The following TSNAXIP1 variants were observed in gnomAD, a reference collection of about 807,000 sequenced individuals.
The protein encoded by TSNAXIP1 is translin associated factor X interacting protein 1, also known as translin-associated factor X-interacting protein 1.
Under a neutral mutation model 84.8 loss-of-function variants are expected in TSNAXIP1, and 89 were observed. The observed-to-expected ratio is 1.05, with a 90% CI of 0.88 to 1.25. TSNAXIP1 has a LOEUF of 1.25. Among genes scored for constraint, TSNAXIP1 ranks in the 50% most tolerant of loss-of-function variants. The probability of loss-of-function intolerance (pLI) is 0.00; values close to 1 mark genes in which losing one functional copy is unlikely to be tolerated. For synonymous variants in TSNAXIP1, 347 were observed against 335.2 expected, an observed-to-expected ratio of 1.04 and a Z score of -0.39; for missense variants, 874 against 887.6, an observed-to-expected ratio of 0.98 and a Z score of 0.20.
chr16:67,826,497 C>A lies in TSNAXIP1; in HGVS notation c.1336C>A (p.Pro446Thr), dbSNP rs752145096. ...RFDGLVENKK[P>T]SKKDVVNLLK... ...TGATGGCCTCGTGGAGAACAAGAAG[C>A]CAAGCAAGAAGGACGTGGTCAACCT... is the stretch of plus-strand genomic sequence containing the variant. Residue 446 changes from proline (P) to threonine (T), a missense_variant, in exon 11 of 16, where the codon CCA becomes ACA. Coordinates refer to ENST00000561639, the MANE Select transcript of TSNAXIP1 (RefSeq NM_001288990.3). 7.4e-6 allele frequency: 12 copies of A among 1,613,982 alleles called. No homozygotes were observed. In the African/African-American group the frequency reaches 1.5e-4, roughly 20 times the overall value.
intron 2 of TSNAXIP1, among the ~76,000 whole-genome samples, chr16:67,819,735 C>T (rs2056880964): frequency 6.6e-6 from 1 of 151,106 alleles, no homozygotes; most frequent in Non-Finnish European, 1.5e-5. Flanking sequence ...GCAACCTCCG[C>T]TTCCCGGGTT....
Position 67,825,752 on chromosome 16 carries a change from C to T in TSNAXIP1, c.900C>T (p.Asn300=). ...QDLTRTQMEL[N]NMKANFGDVV... Reference sequence around the variant, plus strand: ...TGACCCGCACGCAGATGGAACTCAACAACATGAAGGCCAACTTTGGAGATG... The same window carrying T: ...TGACCCGCACGCAGATGGAACTCAATAACATGAAGGCCAACTTTGGAGATG... The change falls in exon 8 of 16, where the codon AAC becomes AAT. Residue 300 remains asparagine, a synonymous_variant. Coordinates refer to ENST00000561639, the MANE Select transcript of TSNAXIP1 (RefSeq NM_001288990.3). 1 of 1,614,144 alleles carries T rather than the reference C, an allele frequency of 6.2e-7. No homozygotes were observed. The highest frequency in any genetic ancestry group is 8.5e-7 in the Non-Finnish European group (1 of 1,180,032).
intron 3 of TSNAXIP1, 26 bp downstream of exon 3, chr16:67,820,977 G>C: frequency 1.3e-6 from 2 of 1,588,794 alleles, no homozygotes; most frequent in South Asian, 1.2e-5. Flanking sequence ...TCCCATGGTG[G>C]GTGAGCTGGC....
At position 67,827,019 on chromosome 16, in the gene TSNAXIP1, G is replaced by C; in HGVS notation, c.1611G>C (p.Glu537Asp). ...QKETVAQLLKEMTNADSQNEG... is the reference protein window; with the variant it reads ...QKETVAQLLKDMTNADSQNEG... ...AGACAGTAGCCCAGCTGCTGAAGGA[G>C]ATGACAAATGCTGACAGTCAGAACG... The change falls in exon 13 of 16, where the codon GAG becomes GAC. Residue 537 changes from glutamate to aspartate, a missense_variant. Glu to Asp is a conservative substitution (Grantham distance 45). Coordinates refer to ENST00000561639, the MANE Select transcript of TSNAXIP1 (RefSeq NM_001288990.3). 1.2e-6 allele frequency: 2 copies of C among 1,614,180 alleles called. No homozygotes were observed. The highest frequency in any genetic ancestry group is 4.5e-5 in the East Asian group (2 of 44,886).
At chr16:67,809,599 C>T (rs1597973954) in intron 1 of TSNAXIP1, among the ~76,000 whole-genome samples, 1 of 149,930 alleles carries the variant, frequency 6.7e-6, no homozygotes, top group East Asian at 2.0e-4. Flanking sequence ...TTCCAGCTGC[C>T]TGGGAGACAC....
chr16:67,822,752 T>TGGG, intron 4 of TSNAXIP1, among the ~76,000 whole-genome samples: 1 of 152,208 alleles, frequency 6.6e-6, no homozygotes, highest in Admixed American at 6.5e-5. Flanking sequence ...GCTGGGGCCT[T>TGGG]ACATCGATCT....
At chr16:67,827,117 C>G (rs1214227397) in intron 13 of TSNAXIP1, 45 bp downstream of exon 13, 1 of 1,608,258 alleles carries the variant, frequency 6.2e-7, no homozygotes, top group Non-Finnish European at 8.5e-7. Flanking sequence ...CCCAACTATT[C>G]CTGCATCTGT....
At chr16:67,825,857 C>A in intron 8 of TSNAXIP1, 21 bp downstream of exon 8, 1 of 1,614,060 alleles carries the variant, frequency 6.2e-7, no homozygotes, top group African/African-American at 1.3e-5. Context: ...GCAGGCAGGG[C>A]CAGGAGGGTA....
Position 67,824,654 on chromosome 16 carries a change from A to G in TSNAXIP1, c.553A>G (p.Asn185Asp), listed in dbSNP as rs781349309. The G allele has an allele frequency of 1.9e-6, 3 of 1,614,198 alleles. No homozygotes were observed. The Admixed American group carries it at 5.0e-5, about 27-fold the overall frequency. ...GCTTGTCACTGTGAATGAGGACTGC[A>G]ATGAGAGGATCCTGGCCATGAGAGC... ...AKLVTVNEDCNERILAMRAEE... is the reference protein window; with the variant it reads ...AKLVTVNEDCDERILAMRAEE... The change falls in exon 6 of 16, where the codon AAT (asparagine) becomes GAT (aspartate). Residue 185 changes from asparagine to aspartate, a missense_variant. Asn to Asp is a conservative substitution (Grantham distance 23). Transcript: ENST00000561639.
chr16:67,809,337 T>A (rs1421667196), intron 1 of TSNAXIP1, among the ~76,000 whole-genome samples: 1 of 149,022 alleles, frequency 6.7e-6, no homozygotes, highest in African/African-American at 2.5e-5. Flanking sequence ...GTGTGGTGGC[T>A]TGCACCTGTA....
rs761678486 is a variant in TSNAXIP1 at position 67,825,948 on chromosome 16, T to C, written c.1016T>C (p.Val339Ala). The C allele has an allele frequency of 6.2e-6, 10 of 1,613,776 alleles. No homozygotes were observed. In the South Asian group the frequency reaches 1.1e-4, roughly 18 times the overall value. ...LDTLRASYEE[V>A]RKEHEILMQL... ...ACCCTGAGAGCCAGCTACGAGGAGG[T>C]TCGCAAGGAGCATGAGATCCTCATG... The change falls in exon 9 of 16, where the codon GTT (valine) becomes GCT (alanine). Residue 339 changes from valine (V) to alanine (A), a missense_variant. Transcript: ENST00000561639.
At chr16:67,807,270 G>C (rs1179586611) in intron 1 of TSNAXIP1, 74 bp downstream of exon 1, 1 of 1,535,432 alleles carries the variant, frequency 6.5e-7, no homozygotes, top group African/African-American at 1.4e-5. Flanking sequence ...ACTTGATCCG[G>C]ACCTCTGCAC....
intron 5 of TSNAXIP1, 94 bp from the exon 6 acceptor site, chr16:67,824,469 CAGAGATTCTTGGGGTTTGCA>C: frequency 1.0e-6 from 1 of 979,356 alleles, no homozygotes. Flanking sequence ...ACAAGGCATG[CAGAGATTCTTGGGGTTTGCA>C]AGCGACATAG....
chr16:67,825,939 A>G lies in TSNAXIP1; in HGVS notation c.1007A>G (p.Tyr336Cys), dbSNP rs113603467. The change falls in exon 9 of 16, where the codon TAC becomes TGC. Residue 336 changes from tyrosine to cysteine, a missense_variant. Physicochemically the swap from Tyr to Cys is radical, Grantham distance 194 (BLOSUM62 -2). Coordinates refer to ENST00000561639, the MANE Select transcript of TSNAXIP1 (RefSeq NM_001288990.3). ...CAGCTGGACACCCTGAGAGCCAGCTACGAGGAGGTTCGCAAGGAGCATGAG... is the reference window on the plus strand; with the variant it reads ...CAGCTGGACACCCTGAGAGCCAGCTGCGAGGAGGTTCGCAAGGAGCATGAG... The part of the protein sequence containing the change: ...QEQLDTLRAS[Y>C]EEVRKEHEIL... 36 of 1,614,100 alleles carry G rather than the reference A, an allele frequency of 2.2e-5. No homozygotes were observed. In the African/African-American group the frequency reaches 2.7e-4, roughly 12 times the overall value.
chr16:67,809,184 A>T (rs144606044), intron 1 of TSNAXIP1, among the ~76,000 whole-genome samples: 1 of 210 alleles, frequency 4.8e-3, no homozygotes, highest in Non-Finnish European at 0.013. Flanking sequence ...AAAAAAAAAA[A>T]AATGGCCGGG....
chr16:67,827,562 G>C lies in TSNAXIP1; in HGVS notation c.1881G>C (p.Gln627His). The part of the protein sequence containing the change: ...EKDEYLQQLK[Q>H]ELGIELHEEV... ...ACGAGTACTTACAGCAGCTAAAGCA[G>C]GAGCTTGGCATAGAACTGTGAGTGA... The change falls in exon 15 of 16, where the codon CAG (glutamine) becomes CAC (histidine). Residue 627 changes from glutamine (Q) to histidine (H), a missense_variant. Gln to His is a conservative substitution (Grantham distance 24, BLOSUM62 0). Coordinates refer to ENST00000561639, the MANE Select transcript of TSNAXIP1 (RefSeq NM_001288990.3). 5.0e-6 allele frequency: 8 copies of C among 1,614,216 alleles called. No individual in the cohort carries two copies. The highest frequency in any genetic ancestry group is 6.8e-6 in the Non-Finnish European group (8 of 1,180,034).
chr16:67,820,787 T>C, intron 2 of TSNAXIP1, 52 bp from the exon 3 acceptor site: 1 of 1,329,236 alleles, frequency 7.5e-7, no homozygotes, highest in East Asian at 2.4e-5. Context: ...GAGAGAAACA[T>C]TAGGAAGGGG....
chr16:67,817,772 T>TCCCAG (rs145580476), intron 2 of TSNAXIP1, among the ~76,000 whole-genome samples: 43,850 of 151,068 alleles, frequency 0.29, 8,968 homozygotes, highest in African/African-American at 0.59. Flanking sequence ...GTGCCTGCAG[T>TCCCAG]CTCTTCGGGA....
At chr16:67,811,378 C>T (rs866459942) in intron 1 of TSNAXIP1, among the ~76,000 whole-genome samples, 2 of 151,636 alleles carry the variant, frequency 1.3e-5, no homozygotes, top group African/African-American at 4.9e-5. Flanking sequence ...TCTTGCTTAC[C>T]TTGCCTTTCC....
Sources: gnomAD v4.1 joint callset for allele counts (sites outside exome capture counted in the v4.1 genomes callset) on GRCh38, gnomAD v4.1.1 for gene constraint, MANE v1.5 for transcripts, NCBI Gene and HGNC (gene_info 2026-07-23, HGNC 2026-07-21) for gene names.